Variants in TRPS1 observed in about 807,000 individuals in gnomAD.
The protein encoded by TRPS1 is transcriptional repressor GATA binding 1.
In TRPS1, 6 loss-of-function variants were observed where a neutral mutation model predicts 101.2. The observed-to-expected ratio is 0.06, with a 90% confidence interval of 0.03 to 0.12. The LOEUF is 0.12. Ranked by LOEUF, TRPS1 falls within the 10% of genes least tolerant of loss-of-function variation. The pLI, the probability that TRPS1 is intolerant of heterozygous loss-of-function variation, is 1.00. For missense variants in TRPS1, 1,363 were observed against 1,567.0 expected, an observed-to-expected ratio of 0.87 and a Z score of 2.20; for synonymous variants, 578 against 589.8, an observed-to-expected ratio of 0.98 and a Z score of 0.29.
chr8:115,488,812 T>A (rs1340167891), intron 5 of TRPS1, among the ~76,000 whole-genome samples: 4 of 152,122 alleles, frequency 2.6e-5, no homozygotes, highest in African/African-American at 9.7e-5. Context: ...AACAGATATA[T>A]AAGGATAAAA....
intron 3 of TRPS1, among the ~76,000 whole-genome samples, chr8:115,613,419 C>G (rs1323759629): frequency 6.6e-6 from 1 of 152,216 alleles, no homozygotes. Context: ...TTCAGAGAGA[C>G]TGCATCAAAG....
intron 1 of TRPS1, among the ~76,000 whole-genome samples, chr8:115,652,396 G>A (rs1019052512): frequency 1.3e-5 from 2 of 152,130 alleles, no homozygotes; most frequent in African/African-American, 4.8e-5. Flanking sequence ...GTCTGAGTAG[G>A]TTTCTCTTTT....
intron 1 of TRPS1, among the ~76,000 whole-genome samples, chr8:115,634,219 T>C (rs1213134900): frequency 1.3e-5 from 2 of 152,196 alleles, no homozygotes; most frequent in East Asian, 3.8e-4. Context: ...TCAGACAGAA[T>C]CACAAAGTCC....
At chr8:115,593,348 C>T (rs1204168114) in intron 4 of TRPS1, among the ~76,000 whole-genome samples, 1 of 152,064 alleles carries the variant, frequency 6.6e-6, no homozygotes, top group Non-Finnish European at 1.5e-5. Context: ...ATATTTCCAC[C>T]CCATTTTGCA....
chr8:115,432,414 TTTTA>T (rs1322371760), intron 5 of TRPS1, among the ~76,000 whole-genome samples: 2 of 151,842 alleles, frequency 1.3e-5, no homozygotes, highest in African/African-American at 2.4e-5. Flanking sequence ...AAGTCCACAA[TTTTA>T]TTTAATTAAC....
intron 1 of TRPS1, among the ~76,000 whole-genome samples, chr8:115,665,612 C>T (rs894100629): frequency 3.9e-5 from 6 of 152,040 alleles, no homozygotes; most frequent in East Asian, 3.8e-4. Context: ...ACACTGATTC[C>T]GATCCTAAAC....
At chr8:115,543,152 G>A (rs572140374) in intron 5 of TRPS1, among the ~76,000 whole-genome samples, 34 of 152,234 alleles carry the variant, frequency 2.2e-4, no homozygotes, top group African/African-American at 7.0e-4. Flanking sequence ...GAAACACAAA[G>A]GGAAAATAAG....
At chr8:115,528,110 G>A (rs576822989) in intron 5 of TRPS1, among the ~76,000 whole-genome samples, 1 of 152,020 alleles carries the variant, frequency 6.6e-6, no homozygotes, top group South Asian at 2.1e-4. Context: ...GCAGAAAAAA[G>A]TAAGTAACTT....
intron 1 of TRPS1, among the ~76,000 whole-genome samples, chr8:115,634,527 T>C (rs1586479379): frequency 6.6e-6 from 1 of 152,274 alleles, no homozygotes; most frequent in East Asian, 1.9e-4. Flanking sequence ...AGTAACAGTT[T>C]TACCTGATTA....
chr8:115,482,293 T>C (rs1814773775), intron 5 of TRPS1, among the ~76,000 whole-genome samples: 1 of 152,344 alleles, frequency 6.6e-6, no homozygotes, highest in South Asian at 2.1e-4. Context: ...AGTTTGGTGA[T>C]GTATAAGGTG....
At chr8:115,589,759 G>A (rs373538586) in intron 4 of TRPS1, among the ~76,000 whole-genome samples, 15 of 152,208 alleles carry the variant, frequency 9.9e-5, no homozygotes, top group African/African-American at 3.4e-4. Flanking sequence ...AAAGACAATA[G>A]ACAATACCTA....
intron 5 of TRPS1, among the ~76,000 whole-genome samples, chr8:115,531,272 T>A (rs1816124963): frequency 6.6e-6 from 1 of 152,132 alleles, no homozygotes; most frequent in Admixed American, 6.5e-5. Flanking sequence ...CTGACAATAT[T>A]AAACCGGCTA....
chr8:115,626,041 C>G (rs1818501048), intron 1 of TRPS1, among the ~76,000 whole-genome samples: 1 of 151,650 alleles, frequency 6.6e-6, no homozygotes, highest in Non-Finnish European at 1.5e-5. Flanking sequence ...TACACATCAG[C>G]ATAAGAGTAC....
intron 5 of TRPS1, among the ~76,000 whole-genome samples, chr8:115,438,004 T>A (rs1226047943): frequency 6.6e-6 from 1 of 152,196 alleles, no homozygotes; most frequent in East Asian, 1.9e-4. Flanking sequence ...AAGGCTAAAA[T>A]ACCAAAACAT....
At position 115,619,364 on chromosome 8, in the gene TRPS1, T is replaced by C. The variant is rs757472754; in HGVS notation, c.734A>G (p.Tyr245Cys). 1.9e-6 allele frequency: 3 copies of C among 1,614,172 alleles called. No homozygotes were observed. Among genetic ancestry groups the C allele is most frequent in the Non-Finnish European group, 2.5e-6 (3 of 1,180,042 alleles). ...FKCNICGYGYYGNDPTDLIKH... is the reference protein window; with the variant it reads ...FKCNICGYGYCGNDPTDLIKH... The stretch of plus-strand genomic sequence containing the variant: ...AATCAGATCTGTGGGGTCGTTGCCG[T>C]AGTAACCATATCCACAGATATTGCA... Residue 245 changes from tyrosine to cysteine, a missense_variant, in exon 3 of 7, where the codon TAC becomes TGC. By Grantham distance (194) the Tyr-to-Cys change is radical. Around this residue, in one of 5 missense-constraint regions of TRPS1, gnomAD observed 1,020 missense variants for 1,073.0 expected, o/e 0.95. Coordinates refer to ENST00000395715, the MANE Select transcript of TRPS1 (RefSeq NM_014112.5).
At chr8:115,514,874 C>T (rs973730211) in intron 5 of TRPS1, among the ~76,000 whole-genome samples, 3 of 151,560 alleles carry the variant, frequency 2.0e-5, no homozygotes, top group Non-Finnish European at 3.0e-5. Context: ...TGTATGACTT[C>T]TACCATCACA....
intron 5 of TRPS1, among the ~76,000 whole-genome samples, chr8:115,465,286 T>G (rs1381101109): frequency 1.3e-5 from 2 of 152,134 alleles, no homozygotes; most frequent in Non-Finnish European, 2.9e-5. Context: ...TTCCCAATGC[T>G]TTTAGAAATC....
intron 5 of TRPS1, among the ~76,000 whole-genome samples, chr8:115,492,838 C>T (rs1220277969): frequency 2.6e-5 from 4 of 151,968 alleles, no homozygotes; most frequent in African/African-American, 4.8e-5. Context: ...CTCAGCCTCC[C>T]GAGTAGCTGA....
intron 4 of TRPS1, among the ~76,000 whole-genome samples, chr8:115,588,621 A>G (rs1465390354): frequency 6.6e-6 from 1 of 152,246 alleles, no homozygotes; most frequent in East Asian, 1.9e-4. Flanking sequence ...CCCGAAAGAT[A>G]CACAAGTGAT....
Sources: gnomAD v4.1 joint callset for allele counts (sites outside exome capture counted in the v4.1 genomes callset) on GRCh38, gnomAD v4.1.1 for gene constraint, gnomAD v4.1.1 regional missense constraint, MANE v1.5 for transcripts, NCBI Gene and HGNC (gene_info 2026-07-23, HGNC 2026-07-21) for gene names.